RABGEF1: variants seen among roughly 807,000 people sequenced by gnomAD.
The protein encoded by RABGEF1 is RAB guanine nucleotide exchange factor 1.
In RABGEF1, 26 loss-of-function variants were observed where a neutral mutation model predicts 57.3. The observed-to-expected ratio is 0.45, with a 90% CI of 0.33 to 0.63. The LOEUF (loss-of-function observed/expected upper bound fraction) is 0.63, where lower values mean the gene tolerates loss of function less well. Ranked by LOEUF, RABGEF1 falls within the 20% of genes least tolerant of loss-of-function variation. RABGEF1 has a pLI of 0.02. For missense variants in RABGEF1, 464 were observed against 607.6 expected, an observed-to-expected ratio of 0.76 and a Z score of 2.48; for synonymous variants, 185 against 210.7, an observed-to-expected ratio of 0.88 and a Z score of 1.06.
chr7:66,762,333 A>G (rs533064057), intron 1 of RABGEF1, among the ~76,000 whole-genome samples: 2 of 152,038 alleles, frequency 1.3e-5, no homozygotes, highest in Non-Finnish European at 2.9e-5. Flanking sequence ...GCTCATGCCT[A>G]TAATCCCAGC....
chr7:66,810,847 G>A lies in RABGEF1; in HGVS notation c.*1563G>A, dbSNP rs760740556. ...AGCAGTAACTTTGGAATAAAACCAG[G>A]GTGGGTATAAAACTTCTTATTCTTA... On this transcript the variant is annotated 3_prime_UTR_variant, in exon 9 of 9. Coordinates refer to ENST00000284957, the MANE Select transcript of RABGEF1 (RefSeq NM_014504.3). 3.3e-5 allele frequency: 5 copies of A among 152,086 alleles called. No homozygotes were observed. The highest frequency in any genetic ancestry group is 6.6e-5 in the Admixed American group (1 of 15,252). The allele number at this position is 152,086 out of a possible 1,614,324, so 9.4% of individuals were successfully genotyped here.
At chr7:66,693,811 C>CT (rs534419507) in intron 1 of RABGEF1, among the ~76,000 whole-genome samples, 10,765 of 141,808 alleles carry the variant, frequency 0.076, 1,013 homozygotes, top group African/African-American at 0.22. Flanking sequence ...CCTTTTTTTT[C>CT]TTTTTTTTTT....
chr7:66,726,654 A>G (rs749168291), intron 2 of RABGEF1, among the ~76,000 whole-genome samples: 5 of 151,962 alleles, frequency 3.3e-5, no homozygotes, highest in Non-Finnish European at 5.9e-5. Flanking sequence ...GGCATGAGCC[A>G]CTGCACCCAG....
chr7:66,730,283 A>T (rs78611401), intron 2 of RABGEF1, among the ~76,000 whole-genome samples: 2 of 152,186 alleles, frequency 1.3e-5, no homozygotes. Context: ...TGAGACCCTG[A>T]GGAAGTCACT....
chr7:66,665,669 C>T, the RABGEF1 span, among the ~76,000 whole-genome samples: 621 of 152,234 alleles, frequency 4.1e-3, 3 homozygotes, highest in African/African-American at 0.014. Flanking sequence ...CGTAGGACTT[C>T]GGCAAATGTC....
chr7:66,702,619 C>G (rs1483280688), intron 1 of RABGEF1, among the ~76,000 whole-genome samples: 1 of 152,114 alleles, frequency 6.6e-6, no homozygotes, highest in African/African-American at 2.4e-5. Flanking sequence ...ACTCCGATTT[C>G]TCCAGACCCT....
upstream of RABGEF1, among the ~76,000 whole-genome samples, chr7:66,677,833 A>C (rs1324596273): frequency 3.3e-5 from 5 of 151,752 alleles, no homozygotes; most frequent in Admixed American, 3.3e-4. Flanking sequence ...TGGGAGGCTG[A>C]AGCTGGTGGA....
At chr7:66,725,399 A>G (rs1796478570) in intron 2 of RABGEF1, among the ~76,000 whole-genome samples, 1 of 152,042 alleles carries the variant, frequency 6.6e-6, no homozygotes, top group Admixed American at 6.6e-5. Context: ...GCCACCACCC[A>G]TCTACTTTTT....
intron 4 of RABGEF1, among the ~76,000 whole-genome samples, chr7:66,786,929 T>C (rs1481229235): frequency 1.3e-5 from 2 of 152,250 alleles, no homozygotes; most frequent in Non-Finnish European, 2.9e-5. Flanking sequence ...TCAGCTACTT[T>C]TCTGTTCTTA....
upstream of RABGEF1, among the ~76,000 whole-genome samples, chr7:66,737,046 A>AGG (rs764303046): frequency 1.5e-5 from 2 of 131,950 alleles, no homozygotes; most frequent in East Asian, 2.4e-4. Context: ...TATATATATG[A>AGG]GGGGGGAGAG....
At chr7:66,689,149 T>A (rs1034514120) in intron 1 of RABGEF1, among the ~76,000 whole-genome samples, 3 of 151,902 alleles carry the variant, frequency 2.0e-5, no homozygotes, top group African/African-American at 7.3e-5. Context: ...CACCTAACTA[T>A]ACACTTTAAA....
the RABGEF1 span, among the ~76,000 whole-genome samples, chr7:66,666,463 C>T: frequency 6.6e-5 from 10 of 152,292 alleles, no homozygotes; most frequent in South Asian, 2.1e-4. Flanking sequence ...CAACTGAGGC[C>T]GAAGTGAGCC....
intron 1 of RABGEF1, among the ~76,000 whole-genome samples, chr7:66,684,952 A>T (rs1232315132): frequency 6.6e-6 from 1 of 151,790 alleles, no homozygotes; most frequent in African/African-American, 2.4e-5. Context: ...TTTTGTAGAG[A>T]TGGAATCCCT....
intron 2 of RABGEF1, among the ~76,000 whole-genome samples, chr7:66,730,997 C>T (rs1253311604): frequency 2.0e-5 from 3 of 152,182 alleles, no homozygotes; most frequent in South Asian, 2.1e-4. Context: ...GAAATGACAG[C>T]GCAGGGATTC....
chr7:66,809,517 T>A lies in RABGEF1; in HGVS notation c.*233T>A. ...TCATTTAAGGCTTGTGTGCAAATTT[T>A]GTCTCAATCTTTTTTCCCTCCATGA... On this transcript the variant is annotated 3_prime_UTR_variant, in exon 9 of 9. Coordinates refer to ENST00000284957, the MANE Select transcript of RABGEF1 (RefSeq NM_014504.3). 1 of 401,604 alleles carries A rather than the reference T, an allele frequency of 2.5e-6. No individual in the cohort carries two copies. Among genetic ancestry groups the A allele is most frequent in the South Asian group, 7.2e-5 (1 of 13,826 alleles). The allele number at this position is 401,604 out of a possible 1,614,324, so 24.9% of individuals were successfully genotyped here. A position where few individuals can be genotyped will look rare whatever the true frequency, so the allele number is the denominator to read the frequency against.
chr7:66,656,021 T>C, the RABGEF1 span, among the ~76,000 whole-genome samples: 1 of 152,176 alleles, frequency 6.6e-6, no homozygotes, highest in Non-Finnish European at 1.5e-5. Flanking sequence ...GGGGAATACT[T>C]TCTGCATGTG....
intron 4 of RABGEF1, among the ~76,000 whole-genome samples, chr7:66,784,357 C>G (rs1192523172): frequency 6.6e-6 from 1 of 152,090 alleles, no homozygotes; most frequent in Non-Finnish European, 1.5e-5. Context: ...AAGTTGAGAG[C>G]CAAAGAGGAT....
At chr7:66,736,054 C>A (rs1797907696), upstream of RABGEF1, among the ~76,000 whole-genome samples, 1 of 151,924 alleles carries the variant, frequency 6.6e-6, no homozygotes, top group Admixed American at 6.6e-5. Context: ...GAGATCCTAG[C>A]CAATGCAGTA....
At chr7:66,752,380 AGCTACTG>A (rs1310852674) in intron 1 of RABGEF1, among the ~76,000 whole-genome samples, 1 of 151,954 alleles carries the variant, frequency 6.6e-6, no homozygotes, top group Non-Finnish European at 1.5e-5. Context: ...CTGTAATCCC[AGCTACTG>A]GGAGGCTGAG....
Sources: allele counts gnomAD v4.1 joint callset (sites outside exome capture counted in the v4.1 genomes callset), GRCh38; gene constraint gnomAD v4.1.1; transcripts MANE v1.5; gene names NCBI Gene and HGNC (gene_info 2026-07-23, HGNC 2026-07-21).